The following CENPP variants were observed in gnomAD, a reference collection of about 807,000 sequenced individuals.
CENPP encodes the protein centromere protein P.
A neutral mutation model predicts 35.6 loss-of-function variants in CENPP; 24 were observed. The ratio of observed to expected loss-of-function variants is 0.67; its 90% CI spans 0.49 to 0.95. CENPP has a LOEUF of 0.95. Ranked by LOEUF, CENPP falls within the 40% of genes least tolerant of loss-of-function variation. The pLI is 0.00. For synonymous variants in CENPP, 120 were observed against 125.5 expected, an observed-to-expected ratio of 0.96 and a Z score of 0.29; for missense variants, 332 against 345.3, an observed-to-expected ratio of 0.96 and a Z score of 0.31.
intron 5 of CENPP, chr9:92,539,219 A>G (rs1480918559): frequency 6.6e-6 from 1 of 152,198 alleles, no homozygotes; most frequent in African/African-American, 2.4e-5. Context: ...TGAGTAAAGC[A>G]TTAGACTGTA....
chr9:92,503,632 T>C (rs1291210678), intron 5 of CENPP, among the ~76,000 whole-genome samples: 1 of 152,248 alleles, frequency 6.6e-6, no homozygotes, highest in Non-Finnish European at 1.5e-5. Flanking sequence ...ATTATAAAAA[T>C]TCTCCTTGTT....
intron 5 of CENPP, among the ~76,000 whole-genome samples, chr9:92,556,039 T>C (rs1253034822): frequency 6.6e-6 from 1 of 152,178 alleles, no homozygotes; most frequent in Non-Finnish European, 1.5e-5. Context: ...CTATGAACTT[T>C]CCTCTTAGCA....
chr9:92,493,958 T>C, intron 5 of CENPP: 1 of 788,354 alleles, frequency 1.3e-6, no homozygotes, highest in East Asian at 2.7e-5. Flanking sequence ...ATCCAGGCCG[T>C]TGAGGGTGGC....
chr9:92,407,914 T>TAG (rs2130942704), intron 5 of CENPP, among the ~76,000 whole-genome samples: 1 of 152,292 alleles, frequency 6.6e-6, no homozygotes, highest in East Asian at 1.9e-4. Context: ...TGGTGCCTTA[T>TAG]AGGGGTTTTA....
At chr9:92,611,817 C>G (rs1851261814) in intron 6 of CENPP, among the ~76,000 whole-genome samples, 1 of 152,228 alleles carries the variant, frequency 6.6e-6, no homozygotes, top group Non-Finnish European at 1.5e-5. Flanking sequence ...CCACCCTGGC[C>G]CGTGCCGTGT....
chr9:92,517,593 T>C, intron 5 of CENPP: 1 of 1,533,138 alleles, frequency 6.5e-7, no homozygotes, highest in South Asian at 1.2e-5. Context: ...ATCTGACTAA[T>C]GTATCATAAT....
At chr9:92,474,715 CTCTCTTGTTGGAAA>C in intron 5 of CENPP, 1 of 1,613,090 alleles carries the variant, frequency 6.2e-7, no homozygotes, top group Non-Finnish European at 8.5e-7. Flanking sequence ...GGCTTCTTGG[CTCTCTTGTTGGAAA>C]AAGAGAGTTG....
At chr9:92,592,549 C>G (rs1041535491) in intron 5 of CENPP, among the ~76,000 whole-genome samples, 7 of 152,324 alleles carry the variant, frequency 4.6e-5, no homozygotes, top group Middle Eastern at 3.4e-3. Flanking sequence ...ATCCATCATA[C>G]TGTTCCTGGG....
chr9:92,608,256 G>T lies in CENPP; in HGVS notation c.565-3058G>T, dbSNP rs1009126637. ...TCCCACGGGGGCTCAGCCAGGTGCC[G>T]TCCTTCTCTTGGCCTCGATTTTAAA... is the stretch of plus-strand genomic sequence containing the variant. On this transcript the variant is annotated intron_variant, in intron 5 of 7. Coordinates refer to ENST00000375587, the MANE Select transcript of CENPP (RefSeq NM_001012267.3). Among the ~76,000 whole-genome samples the T allele has an allele frequency of 5.3e-5, 8 of 152,180 alleles. No individual in the cohort carries two copies. In the South Asian group the frequency reaches 1.0e-3, roughly 20 times the overall value.
chr9:92,439,407 A>T (rs1844329424), intron 5 of CENPP, among the ~76,000 whole-genome samples: 1 of 152,172 alleles, frequency 6.6e-6, no homozygotes, highest in South Asian at 2.1e-4. Context: ...GTGGGAAATA[A>T]GTGATAAGCT....
rs148267579 is a variant in CENPP, at chr9:92,352,293, C to T, written c.467+6506C>T. Among the ~76,000 whole-genome samples the T allele has an allele frequency of 8.7e-3, 1,306 of 149,976 alleles. 32 individuals carry two copies. Among genetic ancestry groups the T allele is most frequent in the African/African-American group, 0.029 (1,176 of 40,704 alleles). ...GCTGAGGCACGAAAATCGCTTGAAC[C>T]GGGGAGGCGGAGGTTGCAGTGAACC... On this transcript the variant is annotated intron_variant, in intron 4 of 7. Coordinates refer to ENST00000375587, the MANE Select transcript of CENPP (RefSeq NM_001012267.3).
chr9:92,576,880 G>T (rs747986315), intron 5 of CENPP, among the ~76,000 whole-genome samples: 54 of 152,080 alleles, frequency 3.6e-4, no homozygotes, highest in Non-Finnish European at 2.4e-4. Flanking sequence ...AAATAGGTAA[G>T]CAATTTGATC....
Position 92,581,353 on chromosome 9 carries a change from A to T in CENPP, c.565-29961A>T, listed in dbSNP as rs115343078. ...TACATTATAGTTTATGCATTATAAAAATCTGTGTCAAGAAACCAAATAAGA... is the reference window on the plus strand; with the variant it reads ...TACATTATAGTTTATGCATTATAAATATCTGTGTCAAGAAACCAAATAAGA... On this transcript the variant is annotated intron_variant, in intron 5 of 7. Transcript: ENST00000375587. 3.1e-3 allele frequency among the ~76,000 whole-genome samples: 478 copies of T among 152,260 alleles called. 4 individuals are homozygous for T. Among genetic ancestry groups the T allele is most frequent in the Middle Eastern group, 0.017 (5 of 294 alleles).
At chr9:92,436,330 A>G (rs1421941332) in intron 5 of CENPP, among the ~76,000 whole-genome samples, 3 of 152,206 alleles carry the variant, frequency 2.0e-5, no homozygotes, top group African/African-American at 7.2e-5. Flanking sequence ...GTAGTTTGCA[A>G]AGATTTTCTC....
intron 5 of CENPP, among the ~76,000 whole-genome samples, chr9:92,416,098 A>T (rs1293347168): frequency 3.7e-5 from 5 of 133,510 alleles, no homozygotes; most frequent in South Asian, 2.3e-4. Flanking sequence ...TTATTTATTT[A>T]TTTTATTTTT....
At chr9:92,345,511 A>G (rs546058429) in intron 3 of CENPP, among the ~76,000 whole-genome samples, 188 bp from the exon 4 acceptor site, 1 of 150,130 alleles carries the variant, frequency 6.7e-6, no homozygotes, top group East Asian at 1.9e-4. Flanking sequence ...AAAAAAAGGC[A>G]TCTTACCTTA....
chr9:92,456,887 T>G, intron 5 of CENPP: 1 of 938,696 alleles, frequency 1.1e-6, no homozygotes, highest in Non-Finnish European at 1.3e-6. Flanking sequence ...TTGTTAATTC[T>G]GTTTTTCTAA....
chr9:92,345,015 G>A (rs181845277), intron 3 of CENPP, among the ~76,000 whole-genome samples: 2 of 151,590 alleles, frequency 1.3e-5, no homozygotes, highest in African/African-American at 4.8e-5. Flanking sequence ...ACTTTGGGAG[G>A]CTGAGGCAGG....
chr9:92,431,030 G>A lies in CENPP; in HGVS notation c.564+51171G>A, dbSNP rs182100292. The stretch of plus-strand genomic sequence containing the variant: ...AGGATGGTCTCGATCTCTTAACCTG[G>A]TGATCCGCCTGCTTCAGCCTCCCAA... On this transcript the variant is annotated intron_variant, in intron 5 of 7. Coordinates refer to ENST00000375587, the MANE Select transcript of CENPP (RefSeq NM_001012267.3). Among the ~76,000 whole-genome samples the A allele has an allele frequency of 3.4e-3, 517 of 152,216 alleles. 7 individuals carry two copies. In the Middle Eastern group the frequency reaches 0.034, roughly 10 times the overall value.
Sources: gnomAD v4.1 joint callset for allele counts (sites outside exome capture counted in the v4.1 genomes callset) on GRCh38, gnomAD v4.1.1 for gene constraint, MANE v1.5 for transcripts, NCBI Gene and HGNC (gene_info 2026-07-23, HGNC 2026-07-21) for gene names.